The following TMEM171 variants were observed in gnomAD, a reference collection of about 807,000 sequenced individuals.
TMEM171 encodes the protein proline-rich protein PRP2.
Under a neutral mutation model 19.1 loss-of-function variants are expected in TMEM171, and 16 were observed. The ratio of observed to expected loss-of-function variants is 0.84; its 90% CI spans 0.57 to 1.27. TMEM171 has a LOEUF of 1.27. Ranked by LOEUF, TMEM171 falls within the 50% of genes most tolerant of loss-of-function variation. The pLI, the probability that TMEM171 is intolerant of heterozygous loss-of-function variation, is 0.00. For synonymous variants in TMEM171, 153 were observed against 163.4 expected, an observed-to-expected ratio of 0.94 and a Z score of 0.48; for missense variants, 429 against 412.7, an observed-to-expected ratio of 1.04 and a Z score of -0.34.
In TMEM171 at chr5:73,128,416, C is replaced by T. The variant is rs771605311; in HGVS notation, c.667C>T (p.Pro223Ser). The T allele has an allele frequency of 1.1e-5, 17 of 1,613,984 alleles. No individual in the cohort carries two copies. Among genetic ancestry groups the T allele is most frequent in the Non-Finnish European group, 1.3e-5 (15 of 1,180,010 alleles). ...TGACTCGGTAATAATATTTCCACCC[C>T]CTCCACCACCTTACTTTCCTGAATC... ...VGDSVIIFPPPPPPYFPESSA... is the reference protein window; with the variant it reads ...VGDSVIIFPPSPPPYFPESSA... The change falls in exon 3 of 4, where the codon CCT becomes TCT. Residue 223 changes from proline to serine, a missense_variant. Pro to Ser is a moderately conservative substitution (Grantham distance 74). Coordinates refer to ENST00000454765, the MANE Select transcript of TMEM171 (RefSeq NM_173490.8).
At chr5:73,122,047 A>G (rs1744020048) in intron 1 of TMEM171, among the ~76,000 whole-genome samples, 1 of 152,192 alleles carries the variant, frequency 6.6e-6, no homozygotes, top group Admixed American at 6.5e-5. Flanking sequence ...ACCACTTGGC[A>G]TATTTAATAT....
intron 1 of TMEM171, among the ~76,000 whole-genome samples, chr5:73,122,979 C>T (rs1270707877): frequency 6.6e-6 from 1 of 152,144 alleles, no homozygotes; most frequent in Non-Finnish European, 1.5e-5. Context: ...GTGCTTTTTT[C>T]CCCAGGGAAA....
chr5:73,124,953 T>TC (rs1175390374), intron 2 of TMEM171, among the ~76,000 whole-genome samples: 1 of 152,276 alleles, frequency 6.6e-6, no homozygotes, highest in East Asian at 1.9e-4. Context: ...GGAAAAGAGA[T>TC]CTTCAGAACA....
chr5:73,123,669 G>T lies in TMEM171; in HGVS notation c.296G>T (p.Arg99Leu), dbSNP rs137882806. The change falls in exon 2 of 4, where the codon CGA becomes CTA. Residue 99 changes from arginine to leucine, a missense_variant. Coordinates refer to ENST00000454765, the MANE Select transcript of TMEM171 (RefSeq NM_173490.8). ...AGAGGTCAGCAGATGGACCCCGACC[G>T]AGCCTTCATCTGTGGAGAGAGCCGC... ...LQRGQQMDPD[R>L]AFICGESRQF... is the part of the protein sequence containing the mutation. 14 of 1,614,220 alleles carry T rather than the reference G, an allele frequency of 8.7e-6. No individual in the cohort carries two copies. The highest frequency in any genetic ancestry group is 1.6e-4 in the Middle Eastern group (1 of 6,062).
At chr5:73,131,095 C>T (rs961738074) in intron 3 of TMEM171, among the ~76,000 whole-genome samples, 14 of 152,260 alleles carry the variant, frequency 9.2e-5, no homozygotes, top group Middle Eastern at 3.4e-3. Context: ...TTGTTAGAGC[C>T]CACTCCATTA....
chr5:73,129,049 G>A (rs958015818), intron 3 of TMEM171, among the ~76,000 whole-genome samples: 18 of 152,286 alleles, frequency 1.2e-4, no homozygotes, highest in Admixed American at 3.3e-4. Context: ...GCCTGTTACC[G>A]GCGGAGGGTG....
At chr5:73,131,476 G>A in intron 3 of TMEM171, 62 bp from the exon 4 acceptor site, 1 of 1,351,624 alleles carries the variant, frequency 7.4e-7, no homozygotes, top group Non-Finnish European at 1.0e-6. Flanking sequence ...AAAGAACCTA[G>A]TACTAAAGGG....
In TMEM171 at chr5:73,123,301, T is replaced by C. The variant is rs879640847; in HGVS notation, c.-68-5T>C. On this transcript the variant is annotated splice_region_variant and splice_polypyrimidine_tract_variant and intron_variant, in intron 1 of 3. Coordinates refer to ENST00000454765, the MANE Select transcript of TMEM171 (RefSeq NM_173490.8). ...CGTTAATTTGGTGTTTGGTTGTGTT[T>C]GCAGAGCTGCTGAAATCTTGGAGGG... The C allele has an allele frequency of 1.3e-6, 2 of 1,533,348 alleles. No homozygotes were observed. Among genetic ancestry groups the C allele is most frequent in the Non-Finnish European group, 1.8e-6 (2 of 1,139,290 alleles). The allele number at this position is 1,533,348 out of a possible 1,614,324, so 95.0% of individuals were successfully genotyped here. A position where few individuals can be genotyped will look rare whatever the true frequency, so the allele number is the denominator to read the frequency against.
intron 1 of TMEM171, among the ~76,000 whole-genome samples, chr5:73,122,599 A>G (rs913407260): frequency 1.1e-4 from 17 of 152,184 alleles, no homozygotes; most frequent in African/African-American, 3.9e-4. Flanking sequence ...GGGTTTTGCT[A>G]TGTCACCCAG....
chr5:73,125,372 C>T (rs1212490919), intron 2 of TMEM171, among the ~76,000 whole-genome samples: 1 of 152,144 alleles, frequency 6.6e-6, no homozygotes. Flanking sequence ...AACGTTAGTA[C>T]CTCCATGTTA....
chr5:73,131,747 C>A lies in TMEM171; in HGVS notation c.*17C>A. 1.3e-6 allele frequency: 2 copies of A among 1,572,372 alleles called. No homozygotes were observed. The highest frequency in any genetic ancestry group is 1.9e-5 in the Admixed American group (1 of 52,328). ...CCACCGTAAACTATGGACTCTAGTTCAGTTTTATATGCAATGGATCACTAT... is the reference window on the plus strand; with the variant it reads ...CCACCGTAAACTATGGACTCTAGTTAAGTTTTATATGCAATGGATCACTAT... On this transcript the variant is annotated 3_prime_UTR_variant, in exon 4 of 4. Coordinates refer to ENST00000454765, the MANE Select transcript of TMEM171 (RefSeq NM_173490.8).
rs540343483 is a variant in TMEM171, at chr5:73,123,430, C to T, written c.57C>T (p.Ser19=). 1 of 1,614,198 alleles carries T rather than the reference C, an allele frequency of 6.2e-7. No homozygotes were observed. Among genetic ancestry groups the T allele is most frequent in the Non-Finnish European group, 8.5e-7 (1 of 1,180,032 alleles). Residue 19 remains serine (S), a synonymous_variant, in exon 2 of 4, where the codon AGC becomes AGT. Transcript: ENST00000454765. ...PDGDQQDRHV[S]KLIFCFFVFG... is the part of the protein sequence containing the mutation. ...GGGACCAGCAGGACAGACACGTCAG[C>T]AAACTCATCTTCTGCTTCTTTGTCT...
chr5:73,128,484 G>A lies in TMEM171; in HGVS notation c.735G>A (p.Leu245=). The change falls in exon 3 of 4, where the codon CTG becomes CTA. Residue 245 remains leucine, a synonymous_variant. Transcript: ENST00000454765. ...AVAESPGTNS[L]LPNENPPSYY... The stretch of plus-strand genomic sequence containing the variant: ...CTGAGAGTCCTGGAACTAACAGTCT[G>A]CTTCCGAATGAAAACCCCCCTTCAT... The A allele has an allele frequency of 3.1e-6, 5 of 1,614,060 alleles. No individual in the cohort carries two copies. The highest frequency in any genetic ancestry group is 4.2e-6 in the Non-Finnish European group (5 of 1,180,034).
chr5:73,128,023 GTGTGAGCCA>G (rs1438879239), intron 2 of TMEM171, among the ~76,000 whole-genome samples: 8 of 152,274 alleles, frequency 5.3e-5, no homozygotes, highest in African/African-American at 1.7e-4. Context: ...GGGATTATAG[GTGTGAGCCA>G]CTGCACCCAG....
Position 73,123,890 on chromosome 5 carries a change from G to T in TMEM171, c.517G>T (p.Val173Leu). The stretch of plus-strand genomic sequence containing the variant: ...GATCATGGGGCCCTTGATTGTGCTT[G>T]TGGGATTGTGTTTCTTCGTGGTTGC... ...LQIMGPLIVL[V>L]GLCFFVVAHV... is the part of the protein sequence containing the mutation. Residue 173 changes from valine to leucine, a missense_variant, in exon 2 of 4, where the codon GTG (valine) becomes TTG (leucine). Coordinates refer to ENST00000454765, the MANE Select transcript of TMEM171 (RefSeq NM_173490.8). 1 of 1,614,100 alleles carries T rather than the reference G, an allele frequency of 6.2e-7. No individual in the cohort carries two copies. The highest frequency in any genetic ancestry group is 8.5e-7 in the Non-Finnish European group (1 of 1,179,990).
chr5:73,131,418 C>T (rs765596062), intron 3 of TMEM171, 120 bp from the exon 4 acceptor site: 5 of 684,158 alleles, frequency 7.3e-6, no homozygotes, highest in East Asian at 3.0e-5. Flanking sequence ...AGAAATTACT[C>T]CTCAGATTCT....
At chr5:73,121,224 A>G (rs1306575039) in intron 1 of TMEM171, among the ~76,000 whole-genome samples, 1 of 152,146 alleles carries the variant, frequency 6.6e-6, no homozygotes, top group Non-Finnish European at 1.5e-5. Context: ...GCTTCTATTT[A>G]CTGGTGTTTG....
chr5:73,131,668 G>C lies in TMEM171; in HGVS notation c.913G>C (p.Glu305Gln). The C allele has an allele frequency of 6.2e-7, 1 of 1,613,660 alleles. No homozygotes were observed. The highest frequency in any genetic ancestry group is 8.5e-7 in the Non-Finnish European group (1 of 1,179,868). The change falls in exon 4 of 4, where the codon GAA becomes CAA. Residue 305 changes from glutamate (E) to glutamine (Q), a missense_variant. Physicochemically the swap from Glu to Gln is conservative, Grantham distance 29. Transcript: ENST00000454765. The stretch of plus-strand genomic sequence containing the variant: ...TCCATCTGAATTGCCTCCTAGATAT[G>C]AAGAAAAAGAAAATGCTGCAGCTAC... ...HLPSELPPRY[E>Q]EKENAAATFL...
At chr5:73,124,424 A>G (rs570450919) in intron 2 of TMEM171, among the ~76,000 whole-genome samples, 27 of 152,276 alleles carry the variant, frequency 1.8e-4, no homozygotes, top group African/African-American at 6.5e-4. Context: ...TAGTTGTGGG[A>G]CACTTGGTTT....
Sources: gnomAD v4.1 joint callset for allele counts (sites outside exome capture counted in the v4.1 genomes callset) on GRCh38, gnomAD v4.1.1 for gene constraint, MANE v1.5 for transcripts, NCBI Gene and HGNC (gene_info 2026-07-23, HGNC 2026-07-21) for gene names.